TCEAL2: variants seen among roughly 807,000 people sequenced by gnomAD.
TCEAL2 encodes the protein transcription elongation factor A like 2.
For missense variants in TCEAL2, 169 were observed against 166.6 expected (o/e 1.01, Z -0.08); for synonymous variants, 65 against 57.9 (o/e 1.12, Z -0.55).
Position 102,126,923 on chromosome X carries a change from A to G in TCEAL2, c.93A>G (p.Glu31=). The change falls in exon 3 of 3, where the codon GAA becomes GAG. Residue 31 remains glutamate, a synonymous_variant. Transcript: ENST00000372780. ...AGCCACCGCACGAGGGAAAGCCAGAAGTAGCTTGTATTCTGGAAGACAAGA... is the reference window on the plus strand; with the variant it reads ...AGCCACCGCACGAGGGAAAGCCAGAGGTAGCTTGTATTCTGGAAGACAAGA... ...EEQPPHEGKP[E]VACILEDKKL... 1 of 1,212,290 alleles carries G rather than the reference A, an allele frequency of 8.2e-7. No individual in the cohort carries two copies.
chrX:102,125,903 A>T (rs1486959093), intron 1 of TCEAL2, 97 bp downstream of exon 1: 1 of 88,946 alleles, frequency 1.1e-5, no homozygotes, highest in Non-Finnish European at 2.2e-5. Flanking sequence ...GATCCGGTAG[A>T]TTGGGGAGGA....
In TCEAL2 at chrX:102,126,401, T is replaced by G. The variant is rs1932893623; in HGVS notation, c.-72T>G. ...TGCGCGTCTGTTGTTCCCAGCGCTC[T>G]GAGAGGCCTGAAAAGGAAGAGCAAC... On this transcript the variant is annotated 5_prime_UTR_variant, in exon 2 of 3. Transcript: ENST00000372780. 1.8e-6 allele frequency: 2 copies of G among 1,104,954 alleles called. No homozygotes were observed. Among genetic ancestry groups the G allele is most frequent in the Non-Finnish European group, 2.4e-6 (2 of 819,826 alleles). The allele number at this position is 1,104,954 out of a possible 1,213,427, so 91.1% of individuals were successfully genotyped here. A position where few individuals can be genotyped will look rare whatever the true frequency, so the allele number is the denominator to read the frequency against.
intron 2 of TCEAL2, 84 bp downstream of exon 2, chrX:102,126,529 C>T (rs774420552): frequency 9.1e-5 from 59 of 650,180 alleles, no homozygotes; most frequent in Non-Finnish European, 1.2e-4. Context: ...AATTGGGGCC[C>T]CTGCCCATCC....
rs776911009 is a variant in TCEAL2 at position 102,127,227 on chromosome X, G to T, written c.397G>T (p.Asp133Tyr). Residue 133 changes from aspartate (D) to tyrosine (Y), a missense_variant, in exon 3 of 3, where the codon GAT becomes TAT. By Grantham distance (160) the Asp-to-Tyr change is radical. Coordinates refer to ENST00000372780, the MANE Select transcript of TCEAL2 (RefSeq NM_080390.4). ...RAAGKRPAED[D>Y]IPRKAKRKTN... Reference sequence around the variant, plus strand: ...TGCAGGAAAGCGCCCAGCTGAGGATGATATACCCAGGAAAGCCAAAAGAAA... The same window carrying T: ...TGCAGGAAAGCGCCCAGCTGAGGATTATATACCCAGGAAAGCCAAAAGAAA... The T allele has an allele frequency of 2.5e-6, 3 of 1,208,942 alleles. No individual in the cohort carries two copies. Among genetic ancestry groups the T allele is most frequent in the African/African-American group, 3.5e-5 (2 of 56,829 alleles).
chrX:102,126,168 G>A (rs764170404), intron 1 of TCEAL2: 5 of 379,550 alleles, frequency 1.3e-5, no homozygotes, highest in African/African-American at 7.7e-5. Flanking sequence ...GGTTGCCTCC[G>A]GGGAAGGGGG....
In TCEAL2 at chrX:102,126,381, G is replaced by A; in HGVS notation, c.-92G>A. ...CTCCTGTCTGTCCGCAGGTCTGCGC[G>A]TCTGTTGTTCCCAGCGCTCTGAGAG... On this transcript the variant is annotated 5_prime_UTR_variant, in exon 2 of 3. Transcript: ENST00000372780. The A allele has an allele frequency of 9.1e-7, 1 of 1,103,655 alleles. No individual in the cohort carries two copies. The highest frequency in any genetic ancestry group is 1.8e-5 in the African/African-American group (1 of 54,893). 91.0% of individuals were successfully genotyped at this position (1,103,655 alleles called of 1,213,427 possible).
chrX:102,127,231 T>G lies in TCEAL2; in HGVS notation c.401T>G (p.Ile134Arg). 8.3e-7 allele frequency: 1 copy of G among 1,210,470 alleles called. No individual in the cohort carries two copies. The highest frequency in any genetic ancestry group is 1.1e-6 in the Non-Finnish European group (1 of 895,225). Residue 134 changes from isoleucine (I) to arginine (R), a missense_variant, in exon 3 of 3, where the codon ATA becomes AGA. By Grantham distance (97) the Ile-to-Arg change is moderately conservative. Coordinates refer to ENST00000372780, the MANE Select transcript of TCEAL2 (RefSeq NM_080390.4). ...GGAAAGCGCCCAGCTGAGGATGATA[T>G]ACCCAGGAAAGCCAAAAGAAAAACC... ...AAGKRPAEDD[I>R]PRKAKRKTNK... is the part of the protein sequence containing the mutation.
At chrX:102,125,968 G>A (rs1261739956) in intron 1 of TCEAL2, 162 bp downstream of exon 1, 3 of 112,235 alleles carry the variant, frequency 2.7e-5, no homozygotes, top group African/African-American at 6.5e-5. Flanking sequence ...CCCGAAGCAA[G>A]CCTGGCTCGC....
At chrX:102,125,880 G>C (rs1932888823) in intron 1 of TCEAL2, 74 bp downstream of exon 1, 1 of 109,605 alleles carries the variant, frequency 9.1e-6, no homozygotes, top group Non-Finnish European at 1.9e-5. Flanking sequence ...GATTGGGGAG[G>C]GGGCGGAGAA....
rs139146141 is a variant in TCEAL2, at chrX:102,126,864, C to T, written c.34C>T (p.Pro12Ser). ...EKLFNENEGM[P>S]SNQGKIDNEE... ...ACTCTTCAATGAAAATGAAGGAATG[C>T]CTTCGAATCAAGGAAAGATAGACAA... The change falls in exon 3 of 3, where the codon CCT becomes TCT. Residue 12 changes from proline to serine, a missense_variant. Physicochemically the swap from Pro to Ser is moderately conservative, Grantham distance 74 (BLOSUM62 -1). Coordinates refer to ENST00000372780, the MANE Select transcript of TCEAL2 (RefSeq NM_080390.4). 4.1e-6 allele frequency: 5 copies of T among 1,204,880 alleles called. No homozygotes were observed. Among genetic ancestry groups the T allele is most frequent in the Non-Finnish European group, 5.6e-6 (5 of 893,868 alleles).
rs769485073 is a variant in TCEAL2 at position 102,126,953 on chromosome X, A to G, written c.123A>G (p.Leu41=). The G allele has an allele frequency of 1.6e-6, 2 of 1,212,249 alleles. No homozygotes were observed. Among genetic ancestry groups the G allele is most frequent in the South Asian group, 3.5e-5 (2 of 57,009 alleles). Residue 41 remains leucine, a synonymous_variant, in exon 3 of 3, where the codon TTA becomes TTG. Transcript: ENST00000372780. ...CTTGTATTCTGGAAGACAAGAAGTT[A>G]GAAAACGAGGGAAACACAGAAAACA... ...EVACILEDKK[L]ENEGNTENTG... is the part of the protein sequence containing the mutation.
Position 102,126,883 on chromosome X carries a change from T to C in TCEAL2, c.53T>C (p.Ile18Thr), listed in dbSNP as rs1422034237. 1.7e-6 allele frequency: 2 copies of C among 1,208,534 alleles called. No homozygotes were observed. Among genetic ancestry groups the C allele is most frequent in the African/African-American group, 3.5e-5 (2 of 56,986 alleles). Reference protein sequence around the residue: ...NEGMPSNQGKIDNEEQPPHEG... With the variant: ...NEGMPSNQGKTDNEEQPPHEG... ...GGAATGCCTTCGAATCAAGGAAAGATAGACAATGAAGAACAGCCACCGCAC... is the reference window on the plus strand; with the variant it reads ...GGAATGCCTTCGAATCAAGGAAAGACAGACAATGAAGAACAGCCACCGCAC... Residue 18 changes from isoleucine to threonine, a missense_variant, in exon 3 of 3, where the codon ATA becomes ACA. Coordinates refer to ENST00000372780, the MANE Select transcript of TCEAL2 (RefSeq NM_080390.4).
chrX:102,127,576 T>G lies in TCEAL2; in HGVS notation c.*62T>G. ...ACCTTATGGTAATACTTTGCTTTAG[T>G]CGTTCCTCCTGCTACCAGTAGCGTT... On this transcript the variant is annotated 3_prime_UTR_variant, in exon 3 of 3. Transcript: ENST00000372780. 9.1e-7 allele frequency: 1 copy of G among 1,099,949 alleles called. No individual in the cohort carries two copies. The highest frequency in any genetic ancestry group is 1.2e-6 in the Non-Finnish European group (1 of 834,685). 90.6% of individuals were successfully genotyped at this position (1,099,949 alleles called of 1,213,427 possible). A position where few individuals can be genotyped will look rare whatever the true frequency, so the allele number is the denominator to read the frequency against.
At position 102,126,694 on chromosome X, in the gene TCEAL2, C is replaced by G. The variant is rs994618761; in HGVS notation, c.-27-110C>G. The G allele has an allele frequency of 4.2e-5, 33 of 794,072 alleles. No individual in the cohort carries two copies. The African/African-American group carries it at 6.7e-4, about 16-fold the overall frequency. 65.4% of individuals were successfully genotyped at this position (794,072 alleles called of 1,213,427 possible). A position where few individuals can be genotyped will look rare whatever the true frequency, so the allele number is the denominator to read the frequency against. On this transcript the variant is annotated intron_variant, in intron 2 of 2. Transcript: ENST00000372780. ...TGGAGGCCCAGTCAGCTTAGGGGAA[C>G]CCTCACCAGGGGTGAGATGCAAGTA...
Position 102,127,051 on chromosome X carries a change from G to A in TCEAL2, c.221G>A (p.Gly74Glu), listed in dbSNP as rs905772518. ...AGTGCGGGAAAGGCAAAAGGAGAAG[G>A]AAAGTCAGAGAGGAAGGGAAAGTCA... ...PESAGKAKGE[G>E]KSERKGKSEM... Residue 74 changes from glycine (G) to glutamate (E), a missense_variant, in exon 3 of 3, where the codon GGA (glycine) becomes GAA (glutamate). Transcript: ENST00000372780. 8.3e-7 allele frequency: 1 copy of A among 1,198,632 alleles called. No homozygotes were observed. The highest frequency in any genetic ancestry group is 1.7e-5 in the African/African-American group (1 of 57,239).
rs1932887895 is a variant in TCEAL2, at chrX:102,125,777, G to T, written c.-130G>T. The T allele has an allele frequency of 9.0e-6, 1 of 111,637 alleles. No individual in the cohort carries two copies. The highest frequency in any genetic ancestry group is 1.9e-5 in the Non-Finnish European group (1 of 52,896). The allele number at this position is 111,637 out of a possible 1,213,427, so 9.2% of individuals were successfully genotyped here. Reference sequence around the variant, plus strand: ...GCGAGCGGGCTTCAGCGAGCCGCAGGAGGCACAGGCCTGTCCTGGGTCCCC... The same window carrying T: ...GCGAGCGGGCTTCAGCGAGCCGCAGTAGGCACAGGCCTGTCCTGGGTCCCC... On this transcript the variant is annotated 5_prime_UTR_variant, in exon 1 of 3. Transcript: ENST00000372780.
intron 2 of TCEAL2, 63 bp downstream of exon 2, chrX:102,126,508 A>G (rs771656071): frequency 5.7e-5 from 46 of 807,880 alleles, no homozygotes; most frequent in Non-Finnish European, 6.8e-5. Flanking sequence ...TGGAGGGCAC[A>G]GTCAGGGCCG....
At position 102,127,023 on chromosome X, in the gene TCEAL2, G is replaced by C; in HGVS notation, c.193G>C (p.Glu65Gln). ...EEPLKDKEKP[E>Q]SAGKAKGEGK... Reference sequence around the variant, plus strand: ...ACCGTTAAAGGATAAAGAAAAGCCAGAGAGTGCGGGAAAGGCAAAAGGAGA... The same window carrying C: ...ACCGTTAAAGGATAAAGAAAAGCCACAGAGTGCGGGAAAGGCAAAAGGAGA... The change falls in exon 3 of 3, where the codon GAG (glutamate) becomes CAG (glutamine). Residue 65 changes from glutamate to glutamine, a missense_variant. Glu to Gln is a conservative substitution (Grantham distance 29). Transcript: ENST00000372780. The C allele has an allele frequency of 8.3e-7, 1 of 1,207,625 alleles. No individual in the cohort carries two copies. The highest frequency in any genetic ancestry group is 1.1e-6 in the Non-Finnish European group (1 of 893,198).
Position 102,127,103 on chromosome X carries a change from G to A in TCEAL2, c.273G>A (p.Glu91=), listed in dbSNP as rs751211230. 1.9e-5 allele frequency: 23 copies of A among 1,194,322 alleles called. No homozygotes were observed. The highest frequency in any genetic ancestry group is 5.6e-6 in the Non-Finnish European group (5 of 885,165). The change falls in exon 3 of 3, where the codon GAG becomes GAA. Residue 91 remains glutamate, a synonymous_variant. Coordinates refer to ENST00000372780, the MANE Select transcript of TCEAL2 (RefSeq NM_080390.4). The part of the protein sequence containing the change: ...KSEMQGGSKT[E]GKPERGGRAE... ...AGATGCAGGGAGGATCAAAGACAGA[G>A]GGAAAGCCAGAGAGAGGGGGAAGGG...
Sources: allele counts gnomAD v4.1 joint callset, GRCh38; gene constraint gnomAD v4.1.1; transcripts MANE v1.5; gene names NCBI Gene and HGNC (gene_info 2026-07-23, HGNC 2026-07-21).